BLNK: variants seen among roughly 807,000 people sequenced by gnomAD.
BLNK encodes B cell linker, also known as B-cell linker protein.
BLNK carries 29 observed loss-of-function variants against 73.5 expected under a neutral mutation model. That is an observed-to-expected ratio of 0.39 (90% confidence interval 0.29 to 0.54). BLNK has a LOEUF of 0.54. Among genes scored for constraint, BLNK ranks in the 20% least tolerant of loss-of-function variants. The pLI, the probability that BLNK is intolerant of heterozygous loss-of-function variation, is 0.61. For synonymous variants in BLNK, 176 were observed against 200.8 expected, an observed-to-expected ratio of 0.88 and a Z score of 1.04; for missense variants, 460 against 562.8, an observed-to-expected ratio of 0.82 and a Z score of 1.85.
At chr10:96,254,549 C>T (rs952043606) in intron 1 of BLNK, among the ~76,000 whole-genome samples, 16 of 151,822 alleles carry the variant, frequency 1.1e-4, no homozygotes, top group African/African-American at 3.9e-4. Flanking sequence ...TCGCTCTTGT[C>T]CCCCAGGCTG....
At chr10:96,244,757 A>G (rs1297498743) in intron 2 of BLNK, among the ~76,000 whole-genome samples, 1 of 152,196 alleles carries the variant, frequency 6.6e-6, no homozygotes, top group African/African-American at 2.4e-5. Flanking sequence ...TGGTCATCCA[A>G]TGGGCAGAAT....
In BLNK at chr10:96,221,217, T is replaced by C. The variant is rs1171585609; in HGVS notation, c.525+2609A>G. On this transcript the variant is annotated intron_variant, in intron 6 of 16. Transcript: ENST00000224337. ...ATTTAATGAGATAATGCATACAAAG[T>C]GCTCAGAACACCAGTGGATACACAA... 2.0e-5 allele frequency among the ~76,000 whole-genome samples: 3 copies of C among 152,322 alleles called. No individual in the cohort carries two copies. The East Asian group carries it at 5.8e-4, about 29-fold the overall frequency.
chr10:96,206,931 TGTAA>T, intron 11 of BLNK, 76 bp downstream of exon 11: 2 of 1,413,394 alleles, frequency 1.4e-6, no homozygotes, highest in Non-Finnish European at 2.0e-6. Context: ...CCAAAAATAA[TGTAA>T]TAAATGTGTA....
At chr10:96,229,709 C>T (rs1842425299) in intron 4 of BLNK, among the ~76,000 whole-genome samples, 1 of 150,362 alleles carries the variant, frequency 6.7e-6, no homozygotes, top group South Asian at 2.1e-4. Context: ...CGCGCGTGCG[C>T]AGCCAGCAGG....
intron 3 of BLNK, among the ~76,000 whole-genome samples, chr10:96,237,157 A>C (rs1165599762): frequency 6.6e-6 from 1 of 152,162 alleles, no homozygotes; most frequent in Non-Finnish European, 1.5e-5. Context: ...TAAGACCAGT[A>C]CCTCCAGGGG....
At chr10:96,253,095 A>C (rs1416399215) in intron 1 of BLNK, among the ~76,000 whole-genome samples, 1 of 152,156 alleles carries the variant, frequency 6.6e-6, no homozygotes, top group Non-Finnish European at 1.5e-5. Context: ...TTCCCATTGA[A>C]TAGCCTTCCA....
At chr10:96,201,900 A>G (rs1156705385) in intron 13 of BLNK, among the ~76,000 whole-genome samples, 1 of 152,192 alleles carries the variant, frequency 6.6e-6, no homozygotes, top group Admixed American at 6.5e-5. Flanking sequence ...AGTAAAAAAT[A>G]TATATATAAT....
In BLNK at chr10:96,191,944, G is replaced by A. The variant is rs782147459; in HGVS notation, c.*29C>T. 3 of 1,613,028 alleles carry A rather than the reference G, an allele frequency of 1.9e-6. No homozygotes were observed. Among genetic ancestry groups the A allele is most frequent in the Admixed American group, 3.3e-5 (2 of 60,004 alleles). On this transcript the variant is annotated 3_prime_UTR_variant, in exon 17 of 17. Transcript: ENST00000224337. Reference sequence around the variant, plus strand: ...GAGAAACTTTGGGAAAGTGTCTGAAGCAATGGTATTGATCTTTTTTTTCCC... The same window carrying A: ...GAGAAACTTTGGGAAAGTGTCTGAAACAATGGTATTGATCTTTTTTTTCCC...
Position 96,224,009 on chromosome 10 carries a change from AAACAT to A in BLNK, c.362-25_362-21del, listed in dbSNP as rs1384408737. On this transcript the variant is annotated intron_variant, in intron 5 of 16. Transcript: ENST00000224337. ...GATTGTCTTGAAAGGAACAAACAAA[AAACAT>A]AACATAAAAGAGGCTCTGGATCATT... 12 of 1,612,216 alleles carry A rather than the reference AAACAT, an allele frequency of 7.4e-6. No individual in the cohort carries two copies. Among genetic ancestry groups the A allele is most frequent in the Admixed American group, 5.0e-5 (3 of 60,008 alleles).
At chr10:96,235,465 A>T (rs11188675) in intron 3 of BLNK, among the ~76,000 whole-genome samples, 107,651 of 152,046 alleles carry the variant, frequency 0.71, 40,872 homozygotes, top group Non-Finnish European at 0.84. Flanking sequence ...CAGGATTCCA[A>T]CCCAGGCCTA....
chr10:96,229,610 T>TA (rs1251413877), intron 4 of BLNK, among the ~76,000 whole-genome samples: 12 of 152,106 alleles, frequency 7.9e-5, no homozygotes, highest in Non-Finnish European at 1.5e-4. Context: ...TTTCTTCTCT[T>TA]ACCTCTGCAT....
intron 12 of BLNK, 90 bp from the exon 13 acceptor site, chr10:96,204,178 C>A: frequency 7.4e-7 from 1 of 1,348,112 alleles, no homozygotes; most frequent in Non-Finnish European, 1.1e-6. Context: ...TGTGAACAGG[C>A]ACATCACAAA....
In BLNK at chr10:96,190,128, A is replaced by G. The variant is rs2083305586; in HGVS notation, c.*1845T>C. ...GCTCATTTTCATCATTATCCACCTT[A>G]AAGTGATCATCTTTGTCGGCCTTTA... On this transcript the variant is annotated 3_prime_UTR_variant, in exon 17 of 17. Coordinates refer to ENST00000224337, the MANE Select transcript of BLNK (RefSeq NM_013314.4). 6 of 997,744 alleles carry G rather than the reference A, an allele frequency of 6.0e-6. No homozygotes were observed. The South Asian group carries it at 7.6e-5, about 13-fold the overall frequency. The allele number at this position is 997,744 out of a possible 1,614,324, so 61.8% of individuals were successfully genotyped here. A position where few individuals can be genotyped will look rare whatever the true frequency, so the allele number is the denominator to read the frequency against.
At chr10:96,247,638 A>G (rs782202108) in intron 1 of BLNK, among the ~76,000 whole-genome samples, 2 of 152,170 alleles carry the variant, frequency 1.3e-5, no homozygotes, top group African/African-American at 2.4e-5. Context: ...CCACCTCTCC[A>G]TGCACAAGTA....
At chr10:96,229,029 A>C (rs1033655254) in intron 4 of BLNK, among the ~76,000 whole-genome samples, 4 of 152,162 alleles carry the variant, frequency 2.6e-5, no homozygotes, top group South Asian at 2.1e-4. Flanking sequence ...TAGTAATAAC[A>C]TCTGGGTAAA....
At chr10:96,246,897 C>A in intron 2 of BLNK, 87 bp downstream of exon 2, 1 of 988,992 alleles carries the variant, frequency 1.0e-6, no homozygotes, top group Non-Finnish European at 1.5e-6. Flanking sequence ...AACTTCTCAT[C>A]CAGGTAACAG....
chr10:96,213,430 G>C (rs377015567), intron 8 of BLNK, among the ~76,000 whole-genome samples: 19 of 152,308 alleles, frequency 1.2e-4, no homozygotes, highest in African/African-American at 4.3e-4. Flanking sequence ...GAGACTTCCT[G>C]CAAAGGAGAG....
chr10:96,240,245 A>G (rs1377697411), intron 3 of BLNK, among the ~76,000 whole-genome samples: 39 of 152,196 alleles, frequency 2.6e-4, no homozygotes, highest in Non-Finnish European at 8.8e-5. Context: ...CAGATCTAGC[A>G]CAGTGACAGT....
At chr10:96,251,577 G>A (rs782809437) in intron 1 of BLNK, among the ~76,000 whole-genome samples, 1 of 152,194 alleles carries the variant, frequency 6.6e-6, no homozygotes, top group African/African-American at 2.4e-5. Flanking sequence ...TAAAGTCATA[G>A]AGAGAGAGCC....
Sources: gnomAD v4.1 joint callset for allele counts (sites outside exome capture counted in the v4.1 genomes callset) on GRCh38, gnomAD v4.1.1 for gene constraint, MANE v1.5 for transcripts, NCBI Gene and HGNC (gene_info 2026-07-23, HGNC 2026-07-21) for gene names.